Variants in DPY19L3 observed in about 807,000 individuals in gnomAD.
DPY19L3 encodes the protein protein C-mannosyl-transferase DPY19L3.
A neutral mutation model predicts 92.3 loss-of-function variants in DPY19L3; 51 were observed. The observed-to-expected ratio is 0.55, with a 90% CI of 0.44 to 0.70. The LOEUF (loss-of-function observed/expected upper bound fraction) is 0.70, where lower values mean the gene tolerates loss of function less well. Ranked by LOEUF, DPY19L3 falls within the 30% of genes least tolerant of loss-of-function variation. The pLI is 0.00. For missense variants in DPY19L3, 706 were observed against 855.9 expected, an observed-to-expected ratio of 0.82 and a Z score of 2.18; for synonymous variants, 309 against 315.2, an observed-to-expected ratio of 0.98 and a Z score of 0.21.
chr19:32,467,054 A>G (rs1003607116), intron 15 of DPY19L3, among the ~76,000 whole-genome samples: 1 of 152,196 alleles, frequency 6.6e-6, no homozygotes, highest in African/African-American at 2.4e-5. Context: ...TCTCTTTAGT[A>G]TAAGCATATT....
intron 3 of DPY19L3, among the ~76,000 whole-genome samples, chr19:32,420,741 C>T (rs557928859): frequency 2.6e-5 from 4 of 152,102 alleles, no homozygotes; most frequent in South Asian, 2.1e-4. Context: ...TGAGCCACCG[C>T]GGCCTGCCAT....
At chr19:32,474,672 C>A (rs1970453117) in intron 16 of DPY19L3, among the ~76,000 whole-genome samples, 1 of 152,114 alleles carries the variant, frequency 6.6e-6, no homozygotes, top group Admixed American at 6.6e-5. Flanking sequence ...CTCACTGCAA[C>A]TTATGCCTCC....
At chr19:32,430,003 A>G (rs768459590) in intron 3 of DPY19L3, among the ~76,000 whole-genome samples, 9 of 152,220 alleles carry the variant, frequency 5.9e-5, no homozygotes, top group African/African-American at 1.4e-4. Context: ...CTTTACTGCT[A>G]TGAAAGATAC....
intron 3 of DPY19L3, among the ~76,000 whole-genome samples, chr19:32,432,252 C>T (rs150218513): frequency 6.6e-6 from 1 of 152,212 alleles, no homozygotes; most frequent in African/African-American, 2.4e-5. Flanking sequence ...CTGCATAAAC[C>T]TCTTCCCACC....
intron 12 of DPY19L3, among the ~76,000 whole-genome samples, chr19:32,459,115 A>G (rs971875263): frequency 5.3e-5 from 8 of 152,192 alleles, no homozygotes; most frequent in African/African-American, 1.2e-4. Context: ...ATTAGTATCT[A>G]CTAAAAGTTT....
intron 3 of DPY19L3, among the ~76,000 whole-genome samples, chr19:32,425,319 G>T (rs1968720480): frequency 6.6e-6 from 1 of 152,164 alleles, no homozygotes; most frequent in Non-Finnish European, 1.5e-5. Flanking sequence ...TGGAGGCCAA[G>T]GCAGGCAGAT....
chr19:32,407,158 C>G (rs1967988481), intron 1 of DPY19L3, among the ~76,000 whole-genome samples: 1 of 151,902 alleles, frequency 6.6e-6, no homozygotes, highest in Non-Finnish European at 1.5e-5. Flanking sequence ...AGAGGCTGTT[C>G]ATTATTCAGA....
chr19:32,427,590 A>C, intron 3 of DPY19L3, among the ~76,000 whole-genome samples: 1 of 151,768 alleles, frequency 6.6e-6, no homozygotes, highest in East Asian at 1.9e-4. Context: ...CGGTAGTGCT[A>C]AGACTGCTGA....
At chr19:32,468,252 G>A in intron 15 of DPY19L3, 2 of 970,014 alleles carry the variant, frequency 2.1e-6, no homozygotes, top group Non-Finnish European at 2.5e-6. Context: ...GTTATTGTGA[G>A]GATAAAACAA....
chr19:32,417,321 T>C (rs1296436120), intron 3 of DPY19L3, among the ~76,000 whole-genome samples: 2 of 152,174 alleles, frequency 1.3e-5, no homozygotes, highest in Non-Finnish European at 2.9e-5. Flanking sequence ...TGGCTTTATT[T>C]ATTTTAATTT....
At chr19:32,412,925 T>G (rs922951567) in intron 3 of DPY19L3, 2 of 151,742 alleles carry the variant, frequency 1.3e-5, no homozygotes, top group African/African-American at 4.8e-5. Context: ...GCAATACTCT[T>G]TATCAAAAAA....
intron 3 of DPY19L3, among the ~76,000 whole-genome samples, chr19:32,422,629 A>AAAAC (rs1555717072): frequency 4.1e-5 from 6 of 146,722 alleles, no homozygotes; most frequent in East Asian, 2.0e-4. Context: ...AATCAGGAAA[A>AAAAC]ACACACACAC....
Position 32,439,778 on chromosome 19 carries a change from G to A in DPY19L3, c.723G>A (p.Arg241=), listed in dbSNP as rs1472850004. ...LRPNLQPLSE[R]LTLLAIFIST... is the part of the protein sequence containing the mutation. ...ATACAAAGGTTTTCTTTTTACAGAG[G>A]CTGACACTTCTTGCCATTTTCATAT... is the stretch of plus-strand genomic sequence containing the variant. The change falls in exon 8 of 19, where the codon AGG becomes AGA. Residue 241 remains arginine (R), a splice_region_variant and synonymous_variant. Coordinates refer to ENST00000392250, the MANE Select transcript of DPY19L3 (RefSeq NM_001172774.2). 1 of 1,612,884 alleles carries A rather than the reference G, an allele frequency of 6.2e-7. No individual in the cohort carries two copies. The highest frequency in any genetic ancestry group is 1.3e-5 in the African/African-American group (1 of 74,824).
rs1273214571 is a variant in DPY19L3, at chr19:32,482,814, CTCTG to C, written c.*579_*582del. ...GCTTTGTATCAAACATTTTGTTACA[CTCTG>C]TCTGAAATGTAATGTGGAGTACTTC... On this transcript the variant is annotated 3_prime_UTR_variant, in exon 19 of 19. Coordinates refer to ENST00000392250, the MANE Select transcript of DPY19L3 (RefSeq NM_001172774.2). 8 of 152,900 alleles carry C rather than the reference CTCTG, an allele frequency of 5.2e-5. No homozygotes were observed. Among genetic ancestry groups the C allele is most frequent in the African/African-American group, 1.9e-4 (8 of 41,462 alleles). 9.5% of individuals were successfully genotyped at this position (152,900 alleles called of 1,614,324 possible). A position where few individuals can be genotyped will look rare whatever the true frequency, so the allele number is the denominator to read the frequency against.
At chr19:32,455,442 C>G (rs1011863928) in intron 10 of DPY19L3, among the ~76,000 whole-genome samples, 1 of 152,068 alleles carries the variant, frequency 6.6e-6, no homozygotes, top group African/African-American at 2.4e-5. Context: ...ACTTACTCAC[C>G]TTTTGTTATG....
At chr19:32,464,038 ACTT>A (rs1292518543) in intron 14 of DPY19L3, 58 bp downstream of exon 14, 3 of 1,201,838 alleles carry the variant, frequency 2.5e-6, no homozygotes, top group Middle Eastern at 2.1e-4. Flanking sequence ...CTTTCATACC[ACTT>A]CTTTTTTTGT....
chr19:32,419,962 C>T (rs1212587754), intron 3 of DPY19L3, among the ~76,000 whole-genome samples: 3 of 151,206 alleles, frequency 2.0e-5, no homozygotes, highest in South Asian at 2.1e-4. Flanking sequence ...CAGATTCACA[C>T]GGTTCTCCTG....
chr19:32,477,902 A>G (rs1970559861), intron 17 of DPY19L3, among the ~76,000 whole-genome samples: 1 of 152,180 alleles, frequency 6.6e-6, no homozygotes, highest in South Asian at 2.1e-4. Flanking sequence ...GAAGGCAAGG[A>G]AGAGCAAGTC....
chr19:32,470,339 A>G (rs1970319875), intron 16 of DPY19L3, among the ~76,000 whole-genome samples: 1 of 152,240 alleles, frequency 6.6e-6, no homozygotes, highest in South Asian at 2.1e-4. Flanking sequence ...TTTATGACGT[A>G]CATCTGAAGT....
Sources: gnomAD v4.1 joint callset for allele counts (sites outside exome capture counted in the v4.1 genomes callset) on GRCh38, gnomAD v4.1.1 for gene constraint, MANE v1.5 for transcripts, NCBI Gene and HGNC (gene_info 2026-07-23, HGNC 2026-07-21) for gene names.